LHX2: variants seen among roughly 807,000 people sequenced by gnomAD.
The protein encoded by LHX2 is LIM/homeobox protein Lhx2.
Under a neutral mutation model 33.0 loss-of-function variants are expected in LHX2, and 6 were observed. The observed-to-expected ratio is 0.18, with a 90% confidence interval of 0.10 to 0.36. The LOEUF is 0.36. LHX2 is among the 10% of genes least tolerant of loss of function. The pLI, the probability that LHX2 is intolerant of heterozygous loss-of-function variation, is 1.00. For synonymous variants in LHX2, 292 were observed against 253.1 expected, an observed-to-expected ratio of 1.15 and a Z score of -1.46; for missense variants, 442 against 586.2, an observed-to-expected ratio of 0.75 and a Z score of 2.54.
rs1443724141 is a variant in LHX2, at chr9:124,015,072, G to T, written c.324-50G>T. The T allele has an allele frequency of 1.3e-6, 2 of 1,593,166 alleles. No individual in the cohort carries two copies. The highest frequency in any genetic ancestry group is 1.7e-6 in the Non-Finnish European group (2 of 1,173,460). ...AGCGGCACCTGGAGGAGGAAAAGGG[G>T]GGTACCCAACCGTGTGTTCCCACAG... is the stretch of plus-strand genomic sequence containing the variant. On this transcript the variant is annotated intron_variant, in intron 2 of 4. Coordinates refer to ENST00000373615, the MANE Select transcript of LHX2 (RefSeq NM_004789.4). The surrounding 1 kb of genome is among the most constrained non-coding windows in gnomAD (Gnocchi z 7.9).
intron 4 of LHX2, chr9:124,031,698 T>C (rs1048201830): frequency 6.6e-6 from 1 of 152,248 alleles, no homozygotes; most frequent in Non-Finnish European, 1.5e-5. Flanking sequence ...ATGTAATCAA[T>C]ATAAAAATTA....
Position 124,014,348 on chromosome 9 carries a change from G to T in LHX2, c.323+185G>T, listed in dbSNP as rs1859148775. ...TGATAACCTTTTAAAGCAGCAATTT[G>T]GGGAGCTCTTGGAAAGGTCTACGAA... On this transcript the variant is annotated intron_variant, in intron 2 of 4. Coordinates refer to ENST00000373615, the MANE Select transcript of LHX2 (RefSeq NM_004789.4). The surrounding 1 kb of genome is among the most constrained non-coding windows in gnomAD (Gnocchi z 4.8). Among the ~76,000 whole-genome samples the T allele has an allele frequency of 6.6e-6, 1 of 151,652 alleles. No homozygotes were observed. The highest frequency in any genetic ancestry group is 6.6e-5 in the Admixed American group (1 of 15,248).
chr9:124,021,730 T>G (rs1859297456), intron 4 of LHX2: 1 of 164,966 alleles, frequency 6.1e-6, no homozygotes, highest in African/African-American at 2.4e-5. Context: ...GTGACTATCA[T>G]TAGCTCCTGC....
rs762693228 is a variant in LHX2, at chr9:124,032,502, C to G, written c.1016C>G (p.Ala339Gly). ...ENTGVDKSTD[A>G]ALQTGTPSGP... The stretch of plus-strand genomic sequence containing the variant: ...ACGGGCGTGGACAAGTCGACAGACG[C>G]GGCGCTGCAGACAGGGACGCCATCG... Residue 339 changes from alanine (A) to glycine (G), a missense_variant, in exon 5 of 5, where the codon GCG becomes GGG. By Grantham distance (60) the Ala-to-Gly change is moderately conservative (BLOSUM62 0). Coordinates refer to ENST00000373615, the MANE Select transcript of LHX2 (RefSeq NM_004789.4). The surrounding 1 kb of genome is among the most constrained non-coding windows in gnomAD (Gnocchi z 4.1). 1 of 1,613,116 alleles carries G rather than the reference C, an allele frequency of 6.2e-7. No homozygotes were observed. Among genetic ancestry groups the G allele is most frequent in the Non-Finnish European group, 8.5e-7 (1 of 1,179,948 alleles).
Position 124,012,761 on chromosome 9 carries a change from C to T in LHX2, c.120+293C>T, listed in dbSNP as rs993921854. On this transcript the variant is annotated intron_variant, in intron 1 of 4. Transcript: ENST00000373615. This position sits in a 1 kb window ranked among gnomAD's most constrained non-coding sequence, Gnocchi z 4.3. Reference sequence around the variant, plus strand: ...CGGCCCGGGGCGGCTCCCTTCTCACCTTGCCCGGTGCCGGGGTCGACAGCC... The same window carrying T: ...CGGCCCGGGGCGGCTCCCTTCTCACTTTGCCCGGTGCCGGGGTCGACAGCC... 1.3e-5 allele frequency among the ~76,000 whole-genome samples: 2 copies of T among 152,240 alleles called. No individual in the cohort carries two copies. The highest frequency in any genetic ancestry group is 2.9e-5 in the Non-Finnish European group (2 of 68,030).
chr9:124,026,587 T>C (rs945380481), intron 4 of LHX2, among the ~76,000 whole-genome samples: 2 of 152,212 alleles, frequency 1.3e-5, no homozygotes, highest in African/African-American at 4.8e-5. Context: ...TTCTTTTAAA[T>C]GATTCTAAGC....
chr9:124,017,808 T>C (rs1055214330), intron 3 of LHX2, among the ~76,000 whole-genome samples: 5 of 151,928 alleles, frequency 3.3e-5, no homozygotes, highest in Non-Finnish European at 7.4e-5. Flanking sequence ...GGTCGGAAAG[T>C]CCTTCCGGGG....
Position 124,032,406 on chromosome 9 carries a change from G to T in LHX2, c.934-14G>T. 6.4e-7 allele frequency: 1 copy of T among 1,569,392 alleles called. No individual in the cohort carries two copies. On this transcript the variant is annotated splice_polypyrimidine_tract_variant and intron_variant, in intron 4 of 4. Transcript: ENST00000373615. This position sits in a 1 kb window ranked among gnomAD's most constrained non-coding sequence, Gnocchi z 4.1. ...GCCTTCCGCTCACCAGCCCTTCCCT[G>T]TCGTCCCCCGCAGGTCTGGTTCCAG...
rs901604624 is a variant in LHX2, at chr9:124,015,510, G to T, written c.712G>T (p.Ala238Ser). ...GAGCCCGGGCCCCGGTGCGGATCTG[G>T]CGGCCTACAACGCTGGTGAGTGCGC... ...RKSPGPGADLAAYNAALSCNE... is the reference protein window; with the variant it reads ...RKSPGPGADLSAYNAALSCNE... The change falls in exon 3 of 5, where the codon GCG (alanine) becomes TCG (serine). Residue 238 changes from alanine to serine, a missense_variant. This residue lies in a region of LHX2 where 132 missense variants were observed against 139.1 expected (regional missense o/e 0.95). Coordinates refer to ENST00000373615, the MANE Select transcript of LHX2 (RefSeq NM_004789.4). This position sits in a 1 kb window ranked among gnomAD's most constrained non-coding sequence, Gnocchi z 7.9. The T allele has an allele frequency of 1.4e-6, 2 of 1,466,218 alleles. No homozygotes were observed. The highest frequency in any genetic ancestry group is 9.0e-7 in the Non-Finnish European group (1 of 1,108,768). The allele number at this position is 1,466,218 out of a possible 1,614,324, so 90.8% of individuals were successfully genotyped here. A position where few individuals can be genotyped will look rare whatever the true frequency, so the allele number is the denominator to read the frequency against.
chr9:124,021,602 T>C (rs1184305781), intron 4 of LHX2, among the ~76,000 whole-genome samples: 1 of 152,254 alleles, frequency 6.6e-6, no homozygotes, highest in African/African-American at 2.4e-5. Flanking sequence ...AAACAATTCT[T>C]AGTTTCTGTT....
At chr9:124,013,268 G>A (rs1361010854) in intron 1 of LHX2, among the ~76,000 whole-genome samples, 1 of 152,230 alleles carries the variant, frequency 6.6e-6, no homozygotes, top group Non-Finnish European at 1.5e-5. Context: ...GTGTCCTCCC[G>A]GCCTCTGAGC....
rs747785951 is a variant in LHX2, at chr9:124,014,107, G to A, written c.267G>A (p.Ser89=). The A allele has an allele frequency of 7.7e-5, 124 of 1,613,510 alleles. No homozygotes were observed. Among genetic ancestry groups the A allele is most frequent in the Admixed American group, 1.7e-4 (10 of 60,014 alleles). Residue 89 remains serine, a synonymous_variant, in exon 2 of 5, where the codon TCG becomes TCA. Coordinates refer to ENST00000373615, the MANE Select transcript of LHX2 (RefSeq NM_004789.4). The surrounding 1 kb of genome is among the most constrained non-coding windows in gnomAD (Gnocchi z 4.8). The stretch of plus-strand genomic sequence containing the variant: ...GCGAGTGCAAGCTCAACCTGGAGTC[G>A]GAGCTCACCTGTTTCAGCAAGGACG... The part of the protein sequence containing the change: ...KCCECKLNLE[S]ELTCFSKDGS...
chr9:124,014,187 C>T lies in LHX2; in HGVS notation c.323+24C>T, dbSNP rs762047947. The T allele has an allele frequency of 3.2e-5, 46 of 1,416,494 alleles. No individual in the cohort carries two copies. The Admixed American group carries it at 4.3e-4, about 13-fold the overall frequency. The allele number at this position is 1,416,494 out of a possible 1,614,324, so 87.7% of individuals were successfully genotyped here. On this transcript the variant is annotated intron_variant, in intron 2 of 4. Transcript: ENST00000373615. The surrounding 1 kb of genome is among the most constrained non-coding windows in gnomAD (Gnocchi z 4.8). Reference sequence around the variant, plus strand: ...AGGTAGCCCCCCCACCCAACTGCCCCTCAGGACCCCTCCCCCCAATCTCAG... The same window carrying T: ...AGGTAGCCCCCCCACCCAACTGCCCTTCAGGACCCCTCCCCCCAATCTCAG...
chr9:124,029,762 G>A (rs550796276), intron 4 of LHX2, among the ~76,000 whole-genome samples: 151 of 152,342 alleles, frequency 9.9e-4, no homozygotes, highest in Non-Finnish European at 1.8e-3. Context: ...CAGAGCACAG[G>A]CTGCTCAGGG....
rs1285259902 is a variant in LHX2, at chr9:124,015,433, C to T, written c.635C>T (p.Pro212Leu). The T allele has an allele frequency of 1.3e-6, 2 of 1,591,650 alleles. No individual in the cohort carries two copies. Among genetic ancestry groups the T allele is most frequent in the Non-Finnish European group, 8.6e-7 (1 of 1,169,284 alleles). Residue 212 changes from proline to leucine, a missense_variant, in exon 3 of 5, where the codon CCC becomes CTC. By Grantham distance (98) the Pro-to-Leu change is moderately conservative. Transcript: ENST00000373615. This position sits in a 1 kb window ranked among gnomAD's most constrained non-coding sequence, Gnocchi z 7.9. Reference protein sequence around the residue: ...GAAGANPLGLPYYNGVGTVQK... With the variant: ...GAAGANPLGLLYYNGVGTVQK... ...GCAGGGGCCAACCCTCTGGGTCTTC[C>T]CTACTACAATGGCGTGGGCACTGTG...
rs562932849 is a variant in LHX2 at position 124,033,211 on chromosome 9, G to A, written c.*504G>A. 6.6e-6 allele frequency: 1 copy of A among 151,570 alleles called. No homozygotes were observed. Among genetic ancestry groups the A allele is most frequent in the East Asian group, 1.9e-4 (1 of 5,170 alleles). 9.4% of individuals were successfully genotyped at this position (151,570 alleles called of 1,614,324 possible). ...AAAAATCAAACCCCCTCCAACGGTC[G>A]CTTTGTTGTTTTAGAATTTTAAGGT... is the stretch of plus-strand genomic sequence containing the variant. On this transcript the variant is annotated 3_prime_UTR_variant, in exon 5 of 5. Transcript: ENST00000373615.
In LHX2 at chr9:124,012,982, C is replaced by A. The variant is rs1182528861; in HGVS notation, c.120+514C>A. 1.3e-5 allele frequency among the ~76,000 whole-genome samples: 2 copies of A among 152,250 alleles called. No individual in the cohort carries two copies. Among genetic ancestry groups the A allele is most frequent in the Non-Finnish European group, 2.9e-5 (2 of 68,052 alleles). ...TTCGGGGCCAACATTTGTCGTTGAT[C>A]GCGTCCCCAGACCCTTGACTGGTCA... On this transcript the variant is annotated intron_variant, in intron 1 of 4. Coordinates refer to ENST00000373615, the MANE Select transcript of LHX2 (RefSeq NM_004789.4). The surrounding 1 kb of genome is among the most constrained non-coding windows in gnomAD (Gnocchi z 4.3).
chr9:124,032,388 GC>G lies in LHX2; in HGVS notation c.934-31del. On this transcript the variant is annotated intron_variant, in intron 4 of 4. Transcript: ENST00000373615. This position sits in a 1 kb window ranked among gnomAD's most constrained non-coding sequence, Gnocchi z 4.1. ...CGGGGGGATGCTCTGCCTGCCTTCC[GC>G]TCACCAGCCCTTCCCTGTCGTCCCC... 6.5e-7 allele frequency: 1 copy of G among 1,543,928 alleles called. No homozygotes were observed. The highest frequency in any genetic ancestry group is 1.8e-5 in the Admixed American group (1 of 56,912).
At chr9:124,029,975 C>G (rs900261857) in intron 4 of LHX2, among the ~76,000 whole-genome samples, 2 of 152,344 alleles carry the variant, frequency 1.3e-5, no homozygotes, top group East Asian at 1.9e-4. Context: ...AGGACCCCCC[C>G]ACCCCAGGGA....
Sources: gnomAD v4.1 joint callset for allele counts (sites outside exome capture counted in the v4.1 genomes callset) on GRCh38, gnomAD v4.1.1 for gene constraint, gnomAD v4.1.1 regional missense constraint, Gnocchi (gnomAD v3.1) non-coding constraint, MANE v1.5 for transcripts, NCBI Gene and HGNC (gene_info 2026-07-23, HGNC 2026-07-21) for gene names.